Variants in DPP6 observed in about 807,000 individuals in gnomAD.
The protein encoded by DPP6 is A-type potassium channel modulatory protein DPP6.
In DPP6, 69 loss-of-function variants were observed where a neutral mutation model predicts 122.6. The observed-to-expected ratio is 0.56, with a 90% CI of 0.46 to 0.69. The LOEUF is 0.69. Ranked by LOEUF, DPP6 falls within the 30% of genes least tolerant of loss-of-function variation. DPP6 has a pLI of 0.00. For synonymous variants in DPP6, 418 were observed against 433.1 expected, an observed-to-expected ratio of 0.97 and a Z score of 0.43; for missense variants, 928 against 1,116.9, an observed-to-expected ratio of 0.83 and a Z score of 2.41.
chr7:154,545,952 G>T (rs1014807776), intron 4 of DPP6, among the ~76,000 whole-genome samples: 14 of 152,070 alleles, frequency 9.2e-5, no homozygotes, highest in African/African-American at 3.4e-4. Context: ...CTTAAATTCT[G>T]CCAGGTGTTT....
At chr7:153,972,032 A>G (rs1441828621) in intron 1 of DPP6, among the ~76,000 whole-genome samples, 1 of 150,404 alleles carries the variant, frequency 6.6e-6, no homozygotes. Flanking sequence ...AAAACACATC[A>G]TTCGTGTATT....
At chr7:154,288,382 C>T (rs1286282380) in intron 1 of DPP6, among the ~76,000 whole-genome samples, 2 of 152,148 alleles carry the variant, frequency 1.3e-5, no homozygotes, top group Non-Finnish European at 2.9e-5. Context: ...CCCAGGGTTC[C>T]CACTGTAAGG....
At chr7:154,586,051 A>G (rs1165084616) in intron 5 of DPP6, among the ~76,000 whole-genome samples, 1 of 152,048 alleles carries the variant, frequency 6.6e-6, no homozygotes, top group Admixed American at 6.5e-5. Context: ...TAGATGGTCC[A>G]CCTGGAGCAC....
rs376984997 is a variant in DPP6, at chr7:154,892,721, G to A, written c.*241G>A. 3 of 850,536 alleles carry A rather than the reference G, an allele frequency of 3.5e-6. No homozygotes were observed. Among genetic ancestry groups the A allele is most frequent in the African/African-American group, 3.3e-5 (2 of 60,254 alleles). 52.7% of individuals were successfully genotyped at this position (850,536 alleles called of 1,614,324 possible). A position where few individuals can be genotyped will look rare whatever the true frequency, so the allele number is the denominator to read the frequency against. Reference sequence around the variant, plus strand: ...TGTCCCCGCAGCAGCGCCTCCTCCCGGCGCCCGAGAGACCGGCACGCCACG... The same window carrying A: ...TGTCCCCGCAGCAGCGCCTCCTCCCAGCGCCCGAGAGACCGGCACGCCACG... On this transcript the variant is annotated 3_prime_UTR_variant, in exon 26 of 26. Transcript: ENST00000377770.
intron 1 of DPP6, among the ~76,000 whole-genome samples, chr7:154,391,943 G>T (rs1814658669): frequency 6.6e-6 from 1 of 152,164 alleles, no homozygotes; most frequent in Admixed American, 6.5e-5. Flanking sequence ...AAGAAGAGAG[G>T]TTGTTTTTTA....
intron 2 of DPP6, among the ~76,000 whole-genome samples, chr7:154,473,336 C>T (rs549161204): frequency 6.6e-6 from 1 of 152,188 alleles, no homozygotes; most frequent in Admixed American, 6.5e-5. Context: ...GAAGAAAGAA[C>T]TTGGTTTGGT....
intron 16 of DPP6, among the ~76,000 whole-genome samples, chr7:154,848,770 C>A (rs1231606403): frequency 1.3e-5 from 2 of 151,488 alleles, no homozygotes; most frequent in Non-Finnish European, 2.9e-5. Context: ...ACTATGTTTT[C>A]TTCCAGTAGT....
chr7:154,031,591 A>G (rs1251587942), intron 1 of DPP6, among the ~76,000 whole-genome samples: 2 of 151,824 alleles, frequency 1.3e-5, no homozygotes, highest in Non-Finnish European at 2.9e-5. Flanking sequence ...GGTTTTAGGC[A>G]TACCCCTATT....
At chr7:154,509,476 C>T (rs1825896014) in intron 3 of DPP6, among the ~76,000 whole-genome samples, 1 of 152,094 alleles carries the variant, frequency 6.6e-6, no homozygotes, top group South Asian at 2.1e-4. Context: ...AGTCAGATAA[C>T]AAGTGTTGGT....
intron 2 of DPP6, among the ~76,000 whole-genome samples, chr7:154,455,568 T>C (rs1820755418): frequency 6.6e-6 from 1 of 152,178 alleles, no homozygotes; most frequent in African/African-American, 2.4e-5. Context: ...ACTAACCCTA[T>C]AGTGAGTTGC....
In DPP6 at chr7:154,363,575, C is replaced by T. The variant is rs185872842; in HGVS notation, c.244-82639C>T. Among the ~76,000 whole-genome samples, 27 of 152,272 alleles carry T rather than the reference C, an allele frequency of 1.8e-4. 1 individual carries two copies. In the East Asian group the frequency reaches 5.0e-3, roughly 28 times the overall value. On this transcript the variant is annotated intron_variant, in intron 1 of 25. Transcript: ENST00000377770. ...CTAGGGGAGCTGTCTGTGTCTGTGG[C>T]CCCCATGGGTGATTGGTCCCCTCTG...
At chr7:154,777,870 G>A (rs147185364) in intron 10 of DPP6, among the ~76,000 whole-genome samples, 147 of 152,218 alleles carry the variant, frequency 9.7e-4, no homozygotes, top group African/African-American at 1.6e-3. Flanking sequence ...CACGGCTCAC[G>A]AAAGGCTCAG....
At chr7:153,983,291 C>T (rs187691906) in intron 1 of DPP6, among the ~76,000 whole-genome samples, 30 of 152,358 alleles carry the variant, frequency 2.0e-4, no homozygotes, top group Admixed American at 1.2e-3. Flanking sequence ...GTGGCTTGGC[C>T]GTGCTGCCAT....
chr7:154,734,549 A>G (rs1314474920), intron 8 of DPP6, among the ~76,000 whole-genome samples: 2 of 152,236 alleles, frequency 1.3e-5, no homozygotes, highest in African/African-American at 4.8e-5. Context: ...ATGATGTTCA[A>G]ATATGTACAT....
intron 5 of DPP6, among the ~76,000 whole-genome samples, chr7:154,578,270 G>T (rs1287503125): frequency 1.3e-5 from 2 of 152,100 alleles, no homozygotes; most frequent in African/African-American, 4.8e-5. Context: ...GTTTTTCACA[G>T]TAAGGCAACT....
chr7:154,791,597 A>G (rs1027632499), intron 10 of DPP6, among the ~76,000 whole-genome samples: 1 of 152,242 alleles, frequency 6.6e-6, no homozygotes, highest in Non-Finnish European at 1.5e-5. Flanking sequence ...CCGGGGGGAC[A>G]TGGCCAAACC....
intron 1 of DPP6, among the ~76,000 whole-genome samples, chr7:154,059,954 T>G (rs1801435003): frequency 6.6e-6 from 1 of 152,038 alleles, no homozygotes; most frequent in Non-Finnish European, 1.5e-5. Context: ...GGGCCCCCAT[T>G]TTGTGATGGC....
the DPP6 span, among the ~76,000 whole-genome samples, chr7:153,750,633 G>GTAT: frequency 3.0e-5 from 4 of 135,482 alleles, no homozygotes; most frequent in South Asian, 1.1e-3. Context: ...CCTATCAGGT[G>GTAT]TCCAACAAAT....
chr7:153,998,561 A>G (rs573538738), intron 1 of DPP6, among the ~76,000 whole-genome samples: 7 of 152,204 alleles, frequency 4.6e-5, no homozygotes, highest in Non-Finnish European at 7.3e-5. Context: ...TGACAGCAAC[A>G]TCGTGGTCAT....
Sources: allele counts gnomAD v4.1 joint callset (sites outside exome capture counted in the v4.1 genomes callset), GRCh38; gene constraint gnomAD v4.1.1; transcripts MANE v1.5; gene names NCBI Gene and HGNC (gene_info 2026-07-23, HGNC 2026-07-21).